RPS6KC1: variants seen among roughly 807,000 people sequenced by gnomAD.
The protein encoded by RPS6KC1 is ribosomal protein S6 kinase C1.
RPS6KC1 carries 54 observed loss-of-function variants against 103.8 expected under a neutral mutation model. That is an observed-to-expected ratio of 0.52 (90% CI 0.42 to 0.65). The LOEUF (loss-of-function observed/expected upper bound fraction) is 0.65, where lower values mean the gene tolerates loss of function less well. Ranked by LOEUF, RPS6KC1 falls within the 30% of genes least tolerant of loss-of-function variation. The probability of loss-of-function intolerance (pLI) is 0.00; values close to 1 mark genes in which losing one functional copy is unlikely to be tolerated. For synonymous variants in RPS6KC1, 439 were observed against 438.7 expected, an observed-to-expected ratio of 1.00 and a Z score of -0.01; for missense variants, 1,151 against 1,253.8, an observed-to-expected ratio of 0.92 and a Z score of 1.24.
the RPS6KC1 span, among the ~76,000 whole-genome samples, chr1:213,862,078 C>T: frequency 3.3e-5 from 5 of 152,140 alleles, no homozygotes; most frequent in African/African-American, 9.7e-5. Flanking sequence ...AGCCAGCATA[C>T]CCGGGGCAGG....
rs201312117 is a variant in RPS6KC1 at position 213,117,397 on chromosome 1, G to A, written c.459G>A (p.Glu153=). Residue 153 remains glutamate, a synonymous_variant, in exon 5 of 15, where the codon GAG becomes GAA. Coordinates refer to ENST00000366960, the MANE Select transcript of RPS6KC1 (RefSeq NM_012424.6). ...HSDSLIDTFP[E]CSTEGFSSDS... ...ATTCCCTCATTGATACCTTTCCTGA[G>A]TGTAGTACGGAAGGTAAGAGATTTT... 4 of 1,599,440 alleles carry A rather than the reference G, an allele frequency of 2.5e-6. No individual in the cohort carries two copies. The Admixed American group carries it at 5.0e-5, about 20-fold the overall frequency.
the RPS6KC1 span, among the ~76,000 whole-genome samples, chr1:213,642,469 C>T: frequency 6.6e-6 from 1 of 151,940 alleles, no homozygotes; most frequent in Admixed American, 6.6e-5. Context: ...ATATTTTTGC[C>T]TATTTTATTA....
At chr1:213,128,027 A>G (rs1375496033) in intron 5 of RPS6KC1, among the ~76,000 whole-genome samples, 1 of 152,214 alleles carries the variant, frequency 6.6e-6, no homozygotes, top group Non-Finnish European at 1.5e-5. Flanking sequence ...TTAAAAACCT[A>G]TCACTTGTTG....
Position 213,248,579 on chromosome 1 carries a change from A to G in RPS6KC1, c.2911+5921A>G, listed in dbSNP as rs1283146633. ...GTAACGTGAGTTTAGAGTACAAGCA[A>G]AAAAGGCCTCAAGTTAACACAAGTC... is the stretch of plus-strand genomic sequence containing the variant. On this transcript the variant is annotated intron_variant, in intron 12 of 14. Transcript: ENST00000366960. Among the ~76,000 whole-genome samples, 30 of 152,160 alleles carry G rather than the reference A, an allele frequency of 2.0e-4. 1 individual carries two copies. The highest frequency in any genetic ancestry group is 1.9e-3 in the Admixed American group (29 of 15,268).
the RPS6KC1 span, among the ~76,000 whole-genome samples, chr1:213,808,099 TGAACTGC>T: frequency 1.3e-5 from 2 of 152,154 alleles, no homozygotes; most frequent in Non-Finnish European, 2.9e-5. Context: ...TGGTTTTTCG[TGAACTGC>T]GAATGCTGCT....
the RPS6KC1 span, among the ~76,000 whole-genome samples, chr1:213,438,184 G>T: frequency 9.2e-5 from 14 of 152,104 alleles, no homozygotes; most frequent in African/African-American, 2.9e-4. Context: ...TTTCCGTTTT[G>T]CCATCCATTT....
At chr1:213,099,358 A>G (rs755272139) in intron 3 of RPS6KC1, among the ~76,000 whole-genome samples, 4 of 152,316 alleles carry the variant, frequency 2.6e-5, no homozygotes, top group South Asian at 2.1e-4. Flanking sequence ...AGATGTGGAC[A>G]GTGACATTTT....
At chr1:213,198,920 C>T (rs949593580) in intron 8 of RPS6KC1, among the ~76,000 whole-genome samples, 5 of 152,038 alleles carry the variant, frequency 3.3e-5, no homozygotes, top group African/African-American at 9.7e-5. Context: ...ATACATCCAC[C>T]CAAGACTGAA....
chr1:213,672,314 T>C, the RPS6KC1 span, among the ~76,000 whole-genome samples: 5 of 152,240 alleles, frequency 3.3e-5, no homozygotes, highest in Admixed American at 3.3e-4. Flanking sequence ...CTTGAAAGCC[T>C]TGTCCATATT....
chr1:213,741,649 C>T, the RPS6KC1 span, among the ~76,000 whole-genome samples: 3 of 152,232 alleles, frequency 2.0e-5, no homozygotes, highest in South Asian at 2.1e-4. Context: ...AGAGGTGACA[C>T]GAGCATAATA....
chr1:213,444,448 C>A, the RPS6KC1 span, among the ~76,000 whole-genome samples: 1 of 152,176 alleles, frequency 6.6e-6, no homozygotes, highest in Non-Finnish European at 1.5e-5. Context: ...AAACTGGAGT[C>A]TCCTCCATGT....
chr1:213,728,948 G>GTTGTTT, the RPS6KC1 span, among the ~76,000 whole-genome samples: 2 of 91,298 alleles, frequency 2.2e-5, 1 homozygote, highest in South Asian at 7.9e-4. Flanking sequence ...TTTTTTTTTT[G>GTTGTTT]TTTTTTTTTT....
the RPS6KC1 span, among the ~76,000 whole-genome samples, chr1:213,760,985 T>C: frequency 6.6e-6 from 1 of 151,872 alleles, no homozygotes; most frequent in Non-Finnish European, 1.5e-5. Context: ...ACAAAATGTT[T>C]TCCAGGTCAC....
chr1:213,752,372 G>A, the RPS6KC1 span, among the ~76,000 whole-genome samples: 252 of 151,902 alleles, frequency 1.7e-3, 1 homozygote, highest in African/African-American at 5.6e-3. Context: ...AAAAAAAAAA[G>A]GGTGGCCCCT....
chr1:213,220,590 G>T (rs1573398330), intron 8 of RPS6KC1, among the ~76,000 whole-genome samples: 1 of 152,196 alleles, frequency 6.6e-6, no homozygotes, highest in East Asian at 1.9e-4. Context: ...CTCCCAAAGT[G>T]CTGGGATTGC....
intron 8 of RPS6KC1, among the ~76,000 whole-genome samples, chr1:213,209,836 GT>G (rs2093456789): frequency 6.6e-6 from 1 of 151,808 alleles, no homozygotes; most frequent in Non-Finnish European, 1.5e-5. Flanking sequence ...CTATTCGTGA[GT>G]TTTTTGGGAA....
chr1:213,356,074 G>A, the RPS6KC1 span, among the ~76,000 whole-genome samples: 1 of 152,318 alleles, frequency 6.6e-6, no homozygotes, highest in Admixed American at 6.5e-5. Flanking sequence ...CACTGGGCCA[G>A]GAGCTGGGGA....
chr1:213,682,970 A>G, the RPS6KC1 span, among the ~76,000 whole-genome samples: 2 of 152,230 alleles, frequency 1.3e-5, no homozygotes, highest in African/African-American at 4.8e-5. Flanking sequence ...TGTGAATTAC[A>G]AACATTTGCC....
rs1210730755 is a variant in RPS6KC1, at chr1:213,272,995, A to T, written c.*361A>T. ...TTTTACTTGACAGAAGGACCTTTAC[A>T]TGGCAGCTAACAGTGCTTTTTGCTG... On this transcript the variant is annotated 3_prime_UTR_variant, in exon 15 of 15. Transcript: ENST00000366960. 1 of 172,366 alleles carries T rather than the reference A, an allele frequency of 5.8e-6. No homozygotes were observed. The highest frequency in any genetic ancestry group is 2.4e-5 in the African/African-American group (1 of 42,352). The allele number at this position is 172,366 out of a possible 1,614,324, so 10.7% of individuals were successfully genotyped here.
Sources: gnomAD v4.1 joint callset for allele counts (sites outside exome capture counted in the v4.1 genomes callset) on GRCh38, gnomAD v4.1.1 for gene constraint, MANE v1.5 for transcripts, NCBI Gene and HGNC (gene_info 2026-07-23, HGNC 2026-07-21) for gene names.